Variants in FASTKD2 observed in about 807,000 individuals in gnomAD.
FASTKD2 encodes the protein FAST kinase domains 2.
FASTKD2 carries 51 observed loss-of-function variants against 63.6 expected under a neutral mutation model. The ratio of observed to expected loss-of-function variants is 0.80; its 90% CI spans 0.64 to 1.01. The LOEUF is 1.01. FASTKD2 is among the 50% of genes least tolerant of loss of function. FASTKD2 has a pLI of 0.00. For missense variants in FASTKD2, 786 were observed against 831.1 expected (o/e 0.95, Z 0.67); for synonymous variants, 284 against 293.4 (o/e 0.97, Z 0.33).
In FASTKD2 at chr2:206,795,018, A is replaced by C. The variant is rs1456974724; in HGVS notation, c.*3216A>C. Among the ~76,000 whole-genome samples the C allele has an allele frequency of 7.6e-6, 1 of 131,626 alleles. No homozygotes were observed. Among genetic ancestry groups the C allele is most frequent in the Admixed American group, 7.8e-5 (1 of 12,844 alleles). The allele number at this position is 131,626 out of a possible 152,430, so 86.4% of individuals were successfully genotyped here. A position where few individuals can be genotyped will look rare whatever the true frequency, so the allele number is the denominator to read the frequency against. On this transcript the variant is annotated 3_prime_UTR_variant, in exon 12 of 12. Transcript: ENST00000402774. ...TCAGTGGCTCACTCAGCAGCAAGCC[A>C]CTTAGGTAGCTGGCGAGGGACGTGG...
At position 206,794,796 on chromosome 2, in the gene FASTKD2, A is replaced by G. The variant is rs1229454153; in HGVS notation, c.*2994A>G. 1.3e-5 allele frequency among the ~76,000 whole-genome samples: 2 copies of G among 152,232 alleles called. No individual in the cohort carries two copies. The highest frequency in any genetic ancestry group is 1.9e-4 in the East Asian group (1 of 5,200). On this transcript the variant is annotated 3_prime_UTR_variant, in exon 12 of 12. Coordinates refer to ENST00000402774, the MANE Select transcript of FASTKD2 (RefSeq NM_001136193.2). ...TCATATCAAGTATTTCCAAATAACAATGACATTCCAATTTATAGAATGTCA... is the reference window on the plus strand; with the variant it reads ...TCATATCAAGTATTTCCAAATAACAGTGACATTCCAATTTATAGAATGTCA...
Position 206,766,869 on chromosome 2 carries a change from AC to A in FASTKD2, c.177del (p.Asn59LysfsTer3). On this transcript the variant is annotated frameshift_variant, in exon 2 of 12. Transcript: ENST00000402774. LOFTEE classifies it high-confidence loss of function. ...CKPKIVHSNW[N>X]ILNNFHNRMQ... ...CCAAAAATAGTTCATTCAAACTGGA[AC>A]ATTTTAAATAACTTTCATAACAGAA... 1 of 1,603,626 alleles carries A rather than the reference AC, an allele frequency of 6.2e-7. No individual in the cohort carries two copies. The highest frequency in any genetic ancestry group is 8.5e-7 in the Non-Finnish European group (1 of 1,174,876).
intron 1 of FASTKD2, 23 bp from the exon 2 acceptor site, chr2:206,766,616 ATTCTT>A: frequency 1.6e-6 from 2 of 1,245,738 alleles, no homozygotes; most frequent in Non-Finnish European, 2.3e-6. Context: ...TTTAATTTTT[ATTCTT>A]TTCATTACTT....
rs760523135 is a variant in FASTKD2, at chr2:206,772,191, T to C, written c.1125T>C (p.His375=). The part of the protein sequence containing the change: ...ECSKVVLDNI[H]GCPLRIMINI... ...AACTCATTCTTCAAGATAATATCCA[T>C]GGGTGTCCTTTAAGAATAATGATCA... Residue 375 remains histidine, a synonymous_variant, in exon 6 of 12, where the codon CAT becomes CAC. Transcript: ENST00000402774. The C allele has an allele frequency of 1.9e-6, 3 of 1,612,102 alleles. No individual in the cohort carries two copies. Among genetic ancestry groups the C allele is most frequent in the Non-Finnish European group, 2.5e-6 (3 of 1,178,140 alleles).
Position 206,793,816 on chromosome 2 carries a change from G to T in FASTKD2, c.*2014G>T, listed in dbSNP as rs1243585918. ...CTTTGTGTCAATGAAAGAAAAATGGGCAAAGAGCTGATGAACATGAAAAAA... is the reference window on the plus strand; with the variant it reads ...CTTTGTGTCAATGAAAGAAAAATGGTCAAAGAGCTGATGAACATGAAAAAA... On this transcript the variant is annotated 3_prime_UTR_variant, in exon 12 of 12. Coordinates refer to ENST00000402774, the MANE Select transcript of FASTKD2 (RefSeq NM_001136193.2). Among the ~76,000 whole-genome samples, 2 of 152,152 alleles carry T rather than the reference G, an allele frequency of 1.3e-5. No homozygotes were observed. Among genetic ancestry groups the T allele is most frequent in the African/African-American group, 2.4e-5 (1 of 41,414 alleles).
chr2:206,795,092 G>T lies in FASTKD2; in HGVS notation c.*3290G>T, dbSNP rs1265830193. ...CATCACAGCCAGGCAGCAAAGGACA[G>T]ATCTCTCTCATACTCTTCATTCACA... On this transcript the variant is annotated 3_prime_UTR_variant, in exon 12 of 12. Coordinates refer to ENST00000402774, the MANE Select transcript of FASTKD2 (RefSeq NM_001136193.2). Among the ~76,000 whole-genome samples, 1 of 152,218 alleles carries T rather than the reference G, an allele frequency of 6.6e-6. No homozygotes were observed. The highest frequency in any genetic ancestry group is 1.5e-5 in the Non-Finnish European group (1 of 68,050).
Position 206,767,276 on chromosome 2 carries a change from C to A in FASTKD2, c.583C>A (p.Leu195Met). The change falls in exon 2 of 12, where the codon CTG becomes ATG. Residue 195 changes from leucine (L) to methionine (M), a missense_variant. Physicochemically the swap from Leu to Met is conservative, Grantham distance 15. Transcript: ENST00000402774. ...AGCAATGTGGACAATTGCCAAAAGA[C>A]TGTCTGATGACCAGAAGCGCTTTGA... is the stretch of plus-strand genomic sequence containing the variant. ...FTAMWTIAKR[L>M]SDDQKRFEKR... 6.2e-7 allele frequency: 1 copy of A among 1,614,220 alleles called. No homozygotes were observed. The highest frequency in any genetic ancestry group is 8.5e-7 in the Non-Finnish European group (1 of 1,180,028).
intron 6 of FASTKD2, among the ~76,000 whole-genome samples, chr2:206,773,779 T>C (rs1021445443): frequency 6.6e-6 from 1 of 152,148 alleles, no homozygotes; most frequent in Non-Finnish European, 1.5e-5. Flanking sequence ...GGTATGAATA[T>C]TAAATATAGA....
rs374830420 is a variant in FASTKD2, at chr2:206,766,918, A to G, written c.225A>G (p.Arg75=). The G allele has an allele frequency of 1.4e-5, 22 of 1,601,634 alleles. No individual in the cohort carries two copies. Among genetic ancestry groups the G allele is most frequent in the Admixed American group, 3.4e-5 (2 of 58,630 alleles). Residue 75 remains arginine (R), a synonymous_variant, in exon 2 of 12, where the codon AGA becomes AGG. Coordinates refer to ENST00000402774, the MANE Select transcript of FASTKD2 (RefSeq NM_001136193.2). ...GAATGCAATCAACTGATATCATTAG[A>G]TATCTCTTTCAGGATGCATTCATTT... The part of the protein sequence containing the change: ...HNRMQSTDII[R]YLFQDAFIFK...
chr2:206,794,860 A>G lies in FASTKD2; in HGVS notation c.*3058A>G, dbSNP rs1450277277. ...TAGTCACCCTGCAACTGGCTTGGAC[A>G]TCTCTAAGCAAATAGAAGTTTCTGT... On this transcript the variant is annotated 3_prime_UTR_variant, in exon 12 of 12. Transcript: ENST00000402774. 2.6e-5 allele frequency among the ~76,000 whole-genome samples: 4 copies of G among 152,318 alleles called. No homozygotes were observed. The highest frequency in any genetic ancestry group is 2.1e-4 in the South Asian group (1 of 4,824).
rs1179784941 is a variant in FASTKD2 at position 206,780,176 on chromosome 2, A to G, written c.1427+5779A>G. On this transcript the variant is annotated intron_variant, in intron 7 of 11. Transcript: ENST00000402774. ...CACTATTACAGTATTACCATATCCT[A>G]TATTTGTTTATGTATTTGCCTTTAC... Among the ~76,000 whole-genome samples the G allele has an allele frequency of 7.9e-5, 12 of 152,164 alleles. No individual in the cohort carries two copies. The South Asian group carries it at 1.9e-3, about 24-fold the overall frequency.
intron 6 of FASTKD2, among the ~76,000 whole-genome samples, chr2:206,773,551 C>T (rs1409885620): frequency 6.6e-6 from 1 of 152,032 alleles, no homozygotes; most frequent in Admixed American, 6.6e-5. Context: ...TTTAATGAAG[C>T]ACCTGGTAAA....
chr2:206,788,054 C>A lies in FASTKD2; in HGVS notation c.1712C>A (p.Ser571Ter). The change falls in exon 9 of 12, where the codon TCG becomes TAG. Residue 571 changes from serine (S) to a stop codon, truncating the protein, a stop_gained. Transcript: ENST00000402774. LOFTEE classifies it high-confidence loss of function. The part of the protein sequence containing the change: ...SLPQLPRELP[S>*]SHTNAKVAEV... Reference sequence around the variant, plus strand: ...CCACAGCTGCCGCGGGAGCTGCCATCGTCACATACAAATGCAAAGGTGGCA... The same window carrying A: ...CCACAGCTGCCGCGGGAGCTGCCATAGTCACATACAAATGCAAAGGTGGCA... The A allele has an allele frequency of 6.2e-7, 1 of 1,613,692 alleles. No homozygotes were observed. The highest frequency in any genetic ancestry group is 1.1e-5 in the South Asian group (1 of 91,064).
chr2:206,786,061 A>C (rs1690130208), intron 7 of FASTKD2, among the ~76,000 whole-genome samples: 1 of 152,054 alleles, frequency 6.6e-6, no homozygotes, highest in African/African-American at 2.4e-5. Flanking sequence ...CTTTGCATGT[A>C]TTTCTTTTTT....
In FASTKD2 at chr2:206,788,811, C is replaced by A. The variant is rs373680208; in HGVS notation, c.1814-8C>A. The A allele has an allele frequency of 5.2e-5, 72 of 1,394,442 alleles. No individual in the cohort carries two copies. Among genetic ancestry groups the A allele is most frequent in the Non-Finnish European group, 6.8e-5 (67 of 981,472 alleles). 86.4% of individuals were successfully genotyped at this position (1,394,442 alleles called of 1,614,324 possible). ...TTTGAAAAATTAATATCAATTCTTT[C>A]CTTTCAGATTTTGAAATCAGAATGG... is the stretch of plus-strand genomic sequence containing the variant. On this transcript the variant is annotated splice_polypyrimidine_tract_variant and splice_region_variant and intron_variant, in intron 9 of 11. Transcript: ENST00000402774.
chr2:206,771,026 G>T (rs973632711), intron 3 of FASTKD2, among the ~76,000 whole-genome samples, 156 bp from the exon 4 acceptor site: 5 of 152,072 alleles, frequency 3.3e-5, no homozygotes, highest in Non-Finnish European at 5.9e-5. Context: ...ATTGGGTCTC[G>T]ATCTTTAACT....
At chr2:206,788,784 T>C (rs1400946448) in intron 9 of FASTKD2, 35 bp from the exon 10 acceptor site, 3 of 1,015,288 alleles carry the variant, frequency 3.0e-6, no homozygotes, top group Non-Finnish European at 4.7e-6. Context: ...CTTGGAGGAA[T>C]GTTTGAAAAA....
intron 4 of FASTKD2, 67 bp from the exon 5 acceptor site, chr2:206,771,827 T>C: frequency 7.6e-7 from 1 of 1,319,078 alleles, no homozygotes; most frequent in South Asian, 1.2e-5. Flanking sequence ...CCTGTCTCAA[T>C]AAAAATAAAA....
rs201502323 is a variant in FASTKD2, at chr2:206,787,997, C to A, written c.1655C>A (p.Thr552Asn). ...TLDTCLKLDD[T>N]VYLRDIALSL... ...GATACTTGTCTAAAACTTGATGATA[C>A]TGTCTATCTGAGGGACATAGCCTTG... The change falls in exon 9 of 12, where the codon ACT (threonine) becomes AAT (asparagine). Residue 552 changes from threonine (T) to asparagine (N), a missense_variant. Transcript: ENST00000402774. 19 of 1,613,434 alleles carry A rather than the reference C, an allele frequency of 1.2e-5. No homozygotes were observed. Among genetic ancestry groups the A allele is most frequent in the Admixed American group, 1.2e-4 (7 of 59,974 alleles).
Sources: allele counts gnomAD v4.1 joint callset (sites outside exome capture counted in the v4.1 genomes callset), GRCh38; gene constraint gnomAD v4.1.1; transcripts MANE v1.5; gene names NCBI Gene and HGNC (gene_info 2026-07-23, HGNC 2026-07-21).